Variants in CFAP221 observed in about 807,000 individuals in gnomAD.
The protein encoded by CFAP221 is cilia and flagella associated protein 221.
Under a neutral mutation model 113.1 loss-of-function variants are expected in CFAP221, and 97 were observed. The observed-to-expected ratio is 0.86, with a 90% confidence interval of 0.73 to 1.02. The LOEUF is 1.02. Among genes scored for constraint, CFAP221 ranks in the 50% least tolerant of loss-of-function variants. CFAP221 has a pLI of 0.00. For synonymous variants in CFAP221, 331 were observed against 354.4 expected, an observed-to-expected ratio of 0.93 and a Z score of 0.74; for missense variants, 1,025 against 1,013.4, an observed-to-expected ratio of 1.01 and a Z score of -0.16.
chr2:119,602,488 T>C (rs1330180063), intron 8 of CFAP221: 2 of 379,348 alleles, frequency 5.3e-6, no homozygotes, highest in African/African-American at 4.4e-5. Flanking sequence ...TCTTTGCGCA[T>C]GGATACACAT....
chr2:119,551,556 C>A (rs975383796), intron 3 of CFAP221, among the ~76,000 whole-genome samples: 3 of 152,138 alleles, frequency 2.0e-5, no homozygotes, highest in Non-Finnish European at 4.4e-5. Context: ...TGCTGAAAAT[C>A]AATTTACTGT....
intron 6 of CFAP221, among the ~76,000 whole-genome samples, chr2:119,573,875 A>C (rs1032223841): frequency 6.6e-6 from 1 of 152,208 alleles, no homozygotes; most frequent in Non-Finnish European, 1.5e-5. Context: ...TCCAACCTCT[A>C]AACTATAGGG....
intron 21 of CFAP221, among the ~76,000 whole-genome samples, chr2:119,640,913 A>G (rs1574215609): frequency 6.6e-6 from 1 of 152,328 alleles, no homozygotes; most frequent in African/African-American, 2.4e-5. Context: ...CAGTAAGACA[A>G]GGGGATTGGA....
Position 119,609,199 on chromosome 2 carries a change from A to G in CFAP221, c.1221+610A>G, listed in dbSNP as rs558870686. Among the ~76,000 whole-genome samples, 4 of 152,328 alleles carry G rather than the reference A, an allele frequency of 2.6e-5. No individual in the cohort carries two copies. In the East Asian group the frequency reaches 7.7e-4, roughly 29 times the overall value. On this transcript the variant is annotated intron_variant, in intron 12 of 23. Transcript: ENST00000413369. ...ATGGTTGTTACCTACACACAGGTGC[A>G]GAGAACACTGAGGACAAGTCCACAG...
intron 8 of CFAP221, chr2:119,602,816 C>G: frequency 1.0e-6 from 1 of 977,364 alleles, no homozygotes; most frequent in Non-Finnish European, 1.2e-6. Flanking sequence ...ACTCAAATGA[C>G]TTTCTTAAAG....
intron 6 of CFAP221, among the ~76,000 whole-genome samples, chr2:119,577,609 G>T (rs1283282252): frequency 6.6e-6 from 1 of 152,140 alleles, no homozygotes; most frequent in Non-Finnish European, 1.5e-5. Context: ...TTAACCATGT[G>T]ACCTTGGACC....
At chr2:119,546,617 C>T (rs909905767) in intron 2 of CFAP221, among the ~76,000 whole-genome samples, 3 of 152,086 alleles carry the variant, frequency 2.0e-5, no homozygotes, top group African/African-American at 7.2e-5. Flanking sequence ...TGGCTTTTAT[C>T]CCTAATCTGC....
chr2:119,659,954 G>A (rs922663562), downstream of CFAP221, among the ~76,000 whole-genome samples: 1 of 152,164 alleles, frequency 6.6e-6, no homozygotes. Context: ...ACATCACTTC[G>A]TTCACCAACA....
rs769131505 is a variant in CFAP221 at position 119,647,043 on chromosome 2, G to A, written c.2311G>A (p.Val771Ile). Residue 771 changes from valine to isoleucine, a missense_variant, in exon 22 of 24, where the codon GTA becomes ATA. By Grantham distance (29) the Val-to-Ile change is conservative. Coordinates refer to ENST00000413369, the MANE Select transcript of CFAP221 (RefSeq NM_001271049.2). ...ALPEEDRLET[V>I]ERELCEQNVE... Reference sequence around the variant, plus strand: ...ACCAGAAGAGGACAGACTAGAAACAGTAGAACGGTATTTTTTTTTTTTTTA... The same window carrying A: ...ACCAGAAGAGGACAGACTAGAAACAATAGAACGGTATTTTTTTTTTTTTTA... The A allele has an allele frequency of 3.9e-6, 6 of 1,550,352 alleles. No homozygotes were observed. The highest frequency in any genetic ancestry group is 3.9e-5 in the Admixed American group (2 of 51,224).
intron 7 of CFAP221, among the ~76,000 whole-genome samples, chr2:119,590,772 T>C (rs1683543667): frequency 1.3e-5 from 2 of 152,132 alleles, no homozygotes; most frequent in South Asian, 4.1e-4. Flanking sequence ...AGCCATTACA[T>C]CCACAAGGGA....
At chr2:119,631,739 G>A (rs1362549538) in intron 19 of CFAP221, among the ~76,000 whole-genome samples, 4 of 152,022 alleles carry the variant, frequency 2.6e-5, no homozygotes, top group Admixed American at 2.6e-4. Context: ...CCTTTGAGAA[G>A]ATCAATAAAA....
intron 7 of CFAP221, among the ~76,000 whole-genome samples, chr2:119,598,663 T>G (rs985163919): frequency 6.6e-6 from 1 of 152,220 alleles, no homozygotes; most frequent in African/African-American, 2.4e-5. Flanking sequence ...CTGTTAGTTT[T>G]GGCTGAGCAG....
At chr2:119,602,468 G>C (rs923592571) in intron 8 of CFAP221, 7 of 296,832 alleles carry the variant, frequency 2.4e-5, no homozygotes, top group Non-Finnish European at 3.5e-5. Context: ...AAATATCTTG[G>C]TTTTCCTCTT....
At chr2:119,618,567 C>G (rs1205514377) in intron 14 of CFAP221, among the ~76,000 whole-genome samples, 5 of 152,208 alleles carry the variant, frequency 3.3e-5, no homozygotes, top group Non-Finnish European at 7.3e-5. Context: ...AGATACTACA[C>G]TTTTCCCATG....
chr2:119,551,338 A>G (rs1362143583), intron 3 of CFAP221, among the ~76,000 whole-genome samples: 1 of 152,218 alleles, frequency 6.6e-6, no homozygotes, highest in Non-Finnish European at 1.5e-5. Context: ...AGGGTATTAA[A>G]GAAACAACTA....
chr2:119,577,192 AG>A (rs1435175586), intron 6 of CFAP221, among the ~76,000 whole-genome samples: 1 of 152,012 alleles, frequency 6.6e-6, no homozygotes, highest in Non-Finnish European at 1.5e-5. Context: ...GGTGGTGGGG[AG>A]GGGCTCCAGT....
intron 22 of CFAP221, among the ~76,000 whole-genome samples, chr2:119,649,667 C>G (rs1688008886): frequency 6.6e-6 from 1 of 152,176 alleles, no homozygotes; most frequent in African/African-American, 2.4e-5. Context: ...TGAGAGACCC[C>G]AAAAGCACTT....
intron 3 of CFAP221, among the ~76,000 whole-genome samples, chr2:119,554,948 C>G (rs191870208): frequency 2.0e-5 from 3 of 152,032 alleles, no homozygotes; most frequent in Admixed American, 6.6e-5. Flanking sequence ...TTTGAAGGGT[C>G]GGGACCCACT....
At chr2:119,656,100 A>T in intron 23 of CFAP221, 1 of 442,008 alleles carries the variant, frequency 2.3e-6, no homozygotes, top group South Asian at 2.5e-5. Context: ...CCATTCGCAC[A>T]TCAGGAAACA....
Sources: gnomAD v4.1 joint callset for allele counts (sites outside exome capture counted in the v4.1 genomes callset) on GRCh38, gnomAD v4.1.1 for gene constraint, MANE v1.5 for transcripts, NCBI Gene and HGNC (gene_info 2026-07-23, HGNC 2026-07-21) for gene names.